MAPRE3: variants seen among roughly 807,000 people sequenced by gnomAD.
MAPRE3 encodes microtubule-associated protein RP/EB family member 3.
In MAPRE3, 2 loss-of-function variants were observed where a neutral mutation model predicts 30.5. That is an observed-to-expected ratio of 0.07 (90% CI 0.03 to 0.21). The LOEUF is 0.21. MAPRE3 is among the 10% of genes least tolerant of loss of function. The pLI, the probability that MAPRE3 is intolerant of heterozygous loss-of-function variation, is 1.00. For synonymous variants in MAPRE3, 110 were observed against 127.7 expected (o/e 0.86, Z 0.93); for missense variants, 204 against 351.8 (o/e 0.58, Z 3.36).
chr2:26,972,573 T>C (rs554345793), intron 1 of MAPRE3, among the ~76,000 whole-genome samples: 6 of 152,218 alleles, frequency 3.9e-5, no homozygotes, highest in Non-Finnish European at 7.3e-5. Flanking sequence ...GAGAGTGGCA[T>C]TCCTTCTGTG....
intron 1 of MAPRE3, among the ~76,000 whole-genome samples, chr2:26,994,417 CCT>C (rs1390355500): frequency 2.0e-5 from 3 of 152,316 alleles, no homozygotes; most frequent in East Asian, 3.8e-4. Context: ...GATTAATTCT[CCT>C]CTCTCTACCA....
At chr2:26,971,155 CCCT>C (rs1360320288) in intron 1 of MAPRE3, among the ~76,000 whole-genome samples, 5 of 152,234 alleles carry the variant, frequency 3.3e-5, no homozygotes, top group Non-Finnish European at 5.9e-5. Flanking sequence ...TATCCCTTCT[CCCT>C]CCTCCTCACT....
chr2:27,001,003 C>T (rs1437094105), intron 1 of MAPRE3, among the ~76,000 whole-genome samples: 3 of 152,114 alleles, frequency 2.0e-5, no homozygotes, highest in African/African-American at 7.2e-5. Context: ...TTCAGATAAA[C>T]CCAAATATGA....
At position 26,985,651 on chromosome 2, in the gene MAPRE3, C is replaced by T. The variant is rs556940748; in HGVS notation, c.-8+14849C>T. ...ACAAATTACTGTGAGAGTTCTAATCCCCCAGAACTGGTAAATATTCCTTTA... is the reference window on the plus strand; with the variant it reads ...ACAAATTACTGTGAGAGTTCTAATCTCCCAGAACTGGTAAATATTCCTTTA... On this transcript the variant is annotated intron_variant, in intron 1 of 6. Transcript: ENST00000233121. The surrounding 1 kb of genome is among the most constrained non-coding windows in gnomAD (Gnocchi z 4.2). Among the ~76,000 whole-genome samples, 2 of 152,242 alleles carry T rather than the reference C, an allele frequency of 1.3e-5. No individual in the cohort carries two copies. Among genetic ancestry groups the T allele is most frequent in the South Asian group, 4.2e-4 (2 of 4,814 alleles).
chr2:27,025,442 G>A, intron 4 of MAPRE3, 141 bp from the exon 5 acceptor site: 1 of 810,534 alleles, frequency 1.2e-6, no homozygotes, highest in South Asian at 1.8e-5. Context: ...AGCTGTAGAT[G>A]CCCTTCCTGG....
chr2:26,977,658 G>C (rs1294739404), intron 1 of MAPRE3, among the ~76,000 whole-genome samples: 1 of 152,140 alleles, frequency 6.6e-6, no homozygotes, highest in Non-Finnish European at 1.5e-5. Flanking sequence ...GCCCACCTGT[G>C]GCCACCCGAT....
intron 1 of MAPRE3, among the ~76,000 whole-genome samples, chr2:26,987,018 C>T (rs1370725654): frequency 1.3e-5 from 2 of 152,138 alleles, no homozygotes; most frequent in Non-Finnish European, 2.9e-5. Flanking sequence ...TGAAGTCAGA[C>T]GGAATTACTT....
intron 1 of MAPRE3, among the ~76,000 whole-genome samples, chr2:26,999,691 C>T (rs1041919831): frequency 1.2e-4 from 18 of 151,410 alleles, no homozygotes; most frequent in Admixed American, 2.0e-4. Context: ...TTAGTAGAGA[C>T]GGGTTTCTCC....
At chr2:27,022,427 C>G (rs1302310839) in intron 2 of MAPRE3, 88 bp downstream of exon 2, 3 of 1,522,236 alleles carry the variant, frequency 2.0e-6, no homozygotes, top group Middle Eastern at 1.8e-4. Flanking sequence ...AGGGAATATA[C>G]AGTCATGCAT....
chr2:26,973,621 C>T (rs1665957517), intron 1 of MAPRE3, among the ~76,000 whole-genome samples: 1 of 149,304 alleles, frequency 6.7e-6, no homozygotes, highest in Non-Finnish European at 1.5e-5. Context: ...GTGGCGCAAT[C>T]TCGGCTCACT....
intron 1 of MAPRE3, among the ~76,000 whole-genome samples, chr2:26,977,471 CT>C (rs1490264623): frequency 6.6e-6 from 1 of 152,098 alleles, no homozygotes; most frequent in Non-Finnish European, 1.5e-5. Context: ...TTCCAGGGGC[CT>C]TTTTTGAGGG....
chr2:26,996,055 C>T (rs1666452200), intron 1 of MAPRE3, among the ~76,000 whole-genome samples: 1 of 151,690 alleles, frequency 6.6e-6, no homozygotes, highest in Non-Finnish European at 1.5e-5. Flanking sequence ...AGGAGGAGCT[C>T]CTGCTTCTGG....
At chr2:27,009,212 C>A (rs1312796386) in intron 1 of MAPRE3, among the ~76,000 whole-genome samples, 1 of 152,114 alleles carries the variant, frequency 6.6e-6, no homozygotes, top group Non-Finnish European at 1.5e-5. Context: ...CTGATGAAAT[C>A]CAAATAAGGT....
At chr2:27,013,073 C>T (rs752351373) in intron 1 of MAPRE3, 1 of 152,588 alleles carries the variant, frequency 6.6e-6, no homozygotes, top group East Asian at 1.9e-4. Context: ...TCCCCAGAGA[C>T]ATGGATGTGC....
intron 1 of MAPRE3, among the ~76,000 whole-genome samples, chr2:26,991,042 T>A (rs528801761): frequency 9.2e-5 from 14 of 152,256 alleles, no homozygotes; most frequent in Admixed American, 2.6e-4. Context: ...TCACGAGGTC[T>A]GCAGATTGAG....
chr2:27,013,891 A>C (rs1242296670), intron 1 of MAPRE3: 1 of 152,288 alleles, frequency 6.6e-6, no homozygotes, highest in African/African-American at 2.4e-5. Flanking sequence ...GGCTCCTGCC[A>C]GCGGTACTCA....
At chr2:27,023,531 AGAG>A (rs1478963357) in intron 3 of MAPRE3, 54 bp downstream of exon 3, 1 of 1,608,606 alleles carries the variant, frequency 6.2e-7, no homozygotes, top group East Asian at 2.2e-5. Flanking sequence ...CTGGGGAAGA[AGAG>A]GACCCACCAG....
intron 1 of MAPRE3, among the ~76,000 whole-genome samples, chr2:26,974,344 T>C (rs573842290): frequency 6.6e-6 from 1 of 152,378 alleles, no homozygotes; most frequent in African/African-American, 2.4e-5. Context: ...TCTTGCCACT[T>C]TAAAAATAAT....
rs1383221482 is a variant in MAPRE3, at chr2:26,985,818, G to A, written c.-8+15016G>A. ...TCTTTATAAGCAGGAGGACAGAGGG[G>A]TGTTGAGAGAGAAGAGACAGTGTGG... On this transcript the variant is annotated intron_variant, in intron 1 of 6. Coordinates refer to ENST00000233121, the MANE Select transcript of MAPRE3 (RefSeq NM_012326.4). The surrounding 1 kb of genome is among the most constrained non-coding windows in gnomAD (Gnocchi z 4.2). Among the ~76,000 whole-genome samples the A allele has an allele frequency of 6.6e-6, 1 of 152,124 alleles. No homozygotes were observed. Among genetic ancestry groups the A allele is most frequent in the Non-Finnish European group, 1.5e-5 (1 of 68,022 alleles).
Sources: gnomAD v4.1 joint callset for allele counts (sites outside exome capture counted in the v4.1 genomes callset) on GRCh38, gnomAD v4.1.1 for gene constraint, Gnocchi (gnomAD v3.1) non-coding constraint, MANE v1.5 for transcripts, NCBI Gene and HGNC (gene_info 2026-07-23, HGNC 2026-07-21) for gene names.